The following ATRNL1 variants were observed in gnomAD, a reference collection of about 807,000 sequenced individuals.
ATRNL1 encodes the protein attractin-like protein 1.
Under a neutral mutation model 182.7 loss-of-function variants are expected in ATRNL1, and 95 were observed. The observed-to-expected ratio is 0.52, with a 90% confidence interval of 0.44 to 0.62. The LOEUF (loss-of-function observed/expected upper bound fraction) is 0.62, where lower values mean the gene tolerates loss of function less well. ATRNL1 is among the 20% of genes least tolerant of loss of function. The probability of loss-of-function intolerance (pLI) is 0.00; values close to 1 mark genes in which losing one functional copy is unlikely to be tolerated. For synonymous variants in ATRNL1, 576 were observed against 568.3 expected, an observed-to-expected ratio of 1.01 and a Z score of -0.19; for missense variants, 1,471 against 1,679.5, an observed-to-expected ratio of 0.88 and a Z score of 2.17.
chr10:115,726,633 A>G (rs1444240086), intron 26 of ATRNL1, among the ~76,000 whole-genome samples: 3 of 152,216 alleles, frequency 2.0e-5, no homozygotes, highest in Admixed American at 1.3e-4. Context: ...AAGTCCTTGC[A>G]CACAATTTCT....
At chr10:115,895,164 T>C (rs1445754904) in intron 28 of ATRNL1, among the ~76,000 whole-genome samples, 2 of 152,092 alleles carry the variant, frequency 1.3e-5, no homozygotes, top group African/African-American at 4.8e-5. Flanking sequence ...AAGTAAAAAA[T>C]AAAATAAAAA....
At chr10:115,226,797 T>C (rs1849717834) in intron 9 of ATRNL1, among the ~76,000 whole-genome samples, 1 of 152,096 alleles carries the variant, frequency 6.6e-6, no homozygotes, top group Non-Finnish European at 1.5e-5. Context: ...CATCTGATCT[T>C]TGACAAGGCT....
chr10:115,680,988 G>A (rs1946028288), intron 26 of ATRNL1, among the ~76,000 whole-genome samples: 2 of 152,056 alleles, frequency 1.3e-5, no homozygotes, highest in South Asian at 4.1e-4. Context: ...TATACCTATA[G>A]TGTATCCATA....
intron 27 of ATRNL1, among the ~76,000 whole-genome samples, chr10:115,840,508 C>T (rs934602330): frequency 1.3e-5 from 2 of 152,128 alleles, no homozygotes; most frequent in African/African-American, 4.8e-5. Context: ...TATAATAACA[C>T]TGTGAGTAAG....
At chr10:115,224,228 C>A (rs535598221) in intron 9 of ATRNL1, among the ~76,000 whole-genome samples, 1 of 151,662 alleles carries the variant, frequency 6.6e-6, no homozygotes, top group South Asian at 2.1e-4. Flanking sequence ...AGCCACCGCG[C>A]CTGGCCAAAA....
chr10:115,852,142 G>T (rs1951071481), intron 28 of ATRNL1, among the ~76,000 whole-genome samples: 1 of 152,036 alleles, frequency 6.6e-6, no homozygotes, highest in South Asian at 2.1e-4. Flanking sequence ...AATCCCAATG[G>T]CCCAAATATC....
chr10:115,584,012 G>A (rs1555008848), intron 26 of ATRNL1, among the ~76,000 whole-genome samples: 9 of 152,146 alleles, frequency 5.9e-5, no homozygotes. Flanking sequence ...AGATAGTCAT[G>A]TGGTTTTTGT....
chr10:115,270,200 CTATA>C (rs1177534370), intron 13 of ATRNL1, among the ~76,000 whole-genome samples: 1 of 142,610 alleles, frequency 7.0e-6, no homozygotes, highest in African/African-American at 2.6e-5. Context: ...CAGAATCTGT[CTATA>C]TATATATATA....
At chr10:115,655,495 T>C (rs931244652) in intron 26 of ATRNL1, among the ~76,000 whole-genome samples, 7 of 152,188 alleles carry the variant, frequency 4.6e-5, no homozygotes, top group Non-Finnish European at 8.8e-5. Flanking sequence ...GTAAATAAAG[T>C]AGAATGCAAG....
chr10:115,530,223 T>A (rs1248348510), intron 25 of ATRNL1, among the ~76,000 whole-genome samples: 9 of 152,190 alleles, frequency 5.9e-5, no homozygotes, highest in African/African-American at 2.2e-4. Context: ...TATTTTCATT[T>A]CTCTTAAGTA....
At chr10:115,811,778 T>G (rs1177365725) in intron 27 of ATRNL1, among the ~76,000 whole-genome samples, 1 of 152,018 alleles carries the variant, frequency 6.6e-6, no homozygotes, top group African/African-American at 2.4e-5. Context: ...CGTCTCTTTG[T>G]GCCTTTAATA....
At chr10:115,832,894 T>C (rs1411495623) in intron 27 of ATRNL1, among the ~76,000 whole-genome samples, 1 of 152,198 alleles carries the variant, frequency 6.6e-6, no homozygotes, top group East Asian at 1.9e-4. Context: ...AGTTTCATTG[T>C]AGAAAGATCT....
chr10:115,828,527 G>A (rs1292683922), intron 27 of ATRNL1, among the ~76,000 whole-genome samples: 4 of 152,154 alleles, frequency 2.6e-5, no homozygotes, highest in African/African-American at 7.2e-5. Context: ...TAGACAGGTA[G>A]CTACAGTACA....
intron 27 of ATRNL1, among the ~76,000 whole-genome samples, chr10:115,783,786 G>A (rs7088770): frequency 0.58 from 88,582 of 151,630 alleles, 26,325 homozygotes; most frequent in East Asian, 0.76. Context: ...AGGCCGAGAC[G>A]GGCAGATCAT....
chr10:115,217,048 A>C (rs1000929717), intron 9 of ATRNL1, among the ~76,000 whole-genome samples: 1 of 152,116 alleles, frequency 6.6e-6, no homozygotes. Context: ...TGATGAAGGT[A>C]CTATCAGTCT....
chr10:115,376,813 C>T lies in ATRNL1; in HGVS notation c.3176-17846C>T, dbSNP rs111994543. On this transcript the variant is annotated intron_variant, in intron 19 of 28. Coordinates refer to ENST00000355044, the MANE Select transcript of ATRNL1 (RefSeq NM_207303.4). Reference sequence around the variant, plus strand: ...TATTTCTATAAGTAAACTTTTTCTCCCTTTGTCACATCTTCTGGTGATCCC... The same window carrying T: ...TATTTCTATAAGTAAACTTTTTCTCTCTTTGTCACATCTTCTGGTGATCCC... Among the ~76,000 whole-genome samples the T allele has an allele frequency of 5.0e-3, 758 of 152,060 alleles. 6 individuals carry two copies. The highest frequency in any genetic ancestry group is 0.016 in the African/African-American group (669 of 41,486).
intron 27 of ATRNL1, among the ~76,000 whole-genome samples, chr10:115,763,116 G>T (rs2907516): frequency 6.6e-6 from 1 of 152,204 alleles, no homozygotes; most frequent in Non-Finnish European, 1.5e-5. Context: ...TTTGTTTTGC[G>T]TATATATTTT....
At chr10:115,828,255 T>C (rs1372538037) in intron 27 of ATRNL1, among the ~76,000 whole-genome samples, 2 of 151,772 alleles carry the variant, frequency 1.3e-5, no homozygotes, top group Non-Finnish European at 1.5e-5. Context: ...AGCCAGAGGT[T>C]GCGGTGAGCC....
intron 25 of ATRNL1, among the ~76,000 whole-genome samples, chr10:115,531,077 G>A (rs1274308623): frequency 1.1e-4 from 16 of 151,828 alleles, no homozygotes; most frequent in South Asian, 2.1e-4. Context: ...GAATAGTGCC[G>A]CAATAAACAT....
Sources: gnomAD v4.1 joint callset for allele counts (sites outside exome capture counted in the v4.1 genomes callset) on GRCh38, gnomAD v4.1.1 for gene constraint, MANE v1.5 for transcripts, NCBI Gene and HGNC (gene_info 2026-07-23, HGNC 2026-07-21) for gene names.